Variants in UNC80 observed in about 807,000 individuals in gnomAD.
UNC80 encodes the protein unc-80 subunit of NALCN channel complex, also known as protein unc-80 homolog.
A neutral mutation model predicts 384.6 loss-of-function variants in UNC80; 164 were observed. The ratio of observed to expected loss-of-function variants is 0.43; its 90% CI spans 0.38 to 0.49. The LOEUF (loss-of-function observed/expected upper bound fraction) is 0.49. Among genes scored for constraint, UNC80 ranks in the 20% least tolerant of loss-of-function variants. The pLI is 0.00. For synonymous variants in UNC80, 1,486 were observed against 1,527.8 expected (o/e 0.97, Z 0.64); for missense variants, 3,330 against 4,143.0 (o/e 0.80, Z 5.39).
chr2:209,981,864 G>A (rs1421999045), intron 59 of UNC80, among the ~76,000 whole-genome samples: 1 of 152,142 alleles, frequency 6.6e-6, no homozygotes, highest in East Asian at 1.9e-4. Flanking sequence ...AAAAAATTAT[G>A]TGCTAGCTTT....
At chr2:209,934,090 A>T in intron 39 of UNC80, 85 bp downstream of exon 39, 1 of 1,328,668 alleles carries the variant, frequency 7.5e-7, no homozygotes, top group Non-Finnish European at 1.0e-6. Flanking sequence ...TCTTTCATTC[A>T]TGAGAAAATT....
intron 26 of UNC80, among the ~76,000 whole-genome samples, chr2:209,892,959 C>A (rs2086483473): frequency 6.6e-6 from 1 of 152,186 alleles, no homozygotes; most frequent in Non-Finnish European, 1.5e-5. Context: ...CCTTTACCAG[C>A]TGCATGGTGA....
chr2:209,938,227 G>A (rs2091377726), intron 42 of UNC80, among the ~76,000 whole-genome samples: 1 of 152,138 alleles, frequency 6.6e-6, no homozygotes, highest in Non-Finnish European at 1.5e-5. Flanking sequence ...CAAACTTTGA[G>A]CTTAAGGAAA....
At chr2:209,873,085 G>C in intron 23 of UNC80, 115 bp downstream of exon 23, 2 of 954,192 alleles carry the variant, frequency 2.1e-6, no homozygotes, top group Non-Finnish European at 3.1e-6. Flanking sequence ...TATGTACCAG[G>C]TACTGAAGGA....
intron 4 of UNC80, among the ~76,000 whole-genome samples, chr2:209,782,959 C>A (rs540576831): frequency 6.6e-6 from 1 of 151,380 alleles, no homozygotes; most frequent in African/African-American, 2.4e-5. Context: ...ATGCTAGCTA[C>A]TGTTCAATGT....
rs73078916 is a variant in UNC80 at position 209,872,565 on chromosome 2, G to A, written c.3628-193G>A. 5.3e-5 allele frequency among the ~76,000 whole-genome samples: 8 copies of A among 151,960 alleles called. No homozygotes were observed. Among genetic ancestry groups the A allele is most frequent in the Non-Finnish European group, 1.0e-4 (7 of 67,996 alleles). On this transcript the variant is annotated intron_variant, in intron 22 of 64. Coordinates refer to ENST00000673920, the MANE Select transcript of UNC80 (RefSeq NM_001371986.1). The surrounding 1 kb of genome is among the most constrained non-coding windows in gnomAD (Gnocchi z 4.1). ...CTAATCCTTCAAGATCCACATTTTT[G>A]GGGGGGATTTTGCTTTCCAGATTTC... is the stretch of plus-strand genomic sequence containing the variant.
intron 53 of UNC80, chr2:209,970,409 T>C (rs772617342): frequency 6.0e-5 from 11 of 184,060 alleles, no homozygotes; most frequent in Non-Finnish European, 1.0e-4. Flanking sequence ...TCTCATTAAA[T>C]AGGACCTGCT....
intron 36 of UNC80, among the ~76,000 whole-genome samples, chr2:209,927,232 G>A (rs1039276288): frequency 3.9e-5 from 6 of 152,186 alleles, no homozygotes; most frequent in South Asian, 2.1e-4. Flanking sequence ...AGCATTGTTC[G>A]TGACCAGAGA....
At chr2:209,786,237 C>G in intron 5 of UNC80, 48 bp downstream of exon 5, 1 of 1,586,030 alleles carries the variant, frequency 6.3e-7, no homozygotes. Context: ...GATTCCCTCA[C>G]ACACAGTAGT....
intron 28 of UNC80, among the ~76,000 whole-genome samples, chr2:209,896,642 G>T (rs2086824875): frequency 6.6e-6 from 1 of 152,130 alleles, no homozygotes; most frequent in Admixed American, 6.5e-5. Context: ...GGTTATGGCT[G>T]GCTTGCAGGT....
At chr2:209,987,482 T>C (rs537672019) in intron 61 of UNC80, among the ~76,000 whole-genome samples, 9 of 152,342 alleles carry the variant, frequency 5.9e-5, no homozygotes, top group African/African-American at 1.9e-4. Context: ...TAGAAATTCA[T>C]TGTAGATGTT....
At chr2:209,880,582 G>A (rs1232385425) in intron 24 of UNC80, among the ~76,000 whole-genome samples, 2 of 152,286 alleles carry the variant, frequency 1.3e-5, no homozygotes, top group East Asian at 1.9e-4. Context: ...GAAATCTTGC[G>A]AAATTACTTC....
chr2:209,993,470 G>T, intron 63 of UNC80, 44 bp downstream of exon 63: 7 of 1,498,768 alleles, frequency 4.7e-6, no homozygotes, highest in Non-Finnish European at 6.4e-6. Flanking sequence ...TTGACATGAT[G>T]CCATGCAACT....
At position 209,917,918 on chromosome 2, in the gene UNC80, T is replaced by G; in HGVS notation, c.5171T>G (p.Val1724Gly). The change falls in exon 32 of 65, where the codon GTC becomes GGC. Residue 1724 changes from valine to glycine, a missense_variant. Val to Gly is a moderately radical substitution (Grantham distance 109). Transcript: ENST00000673920. ...ACGCTCTGGAGGTTTCGCTATCAGG[T>G]CTGGCCCCGGATGGAGGAAGGGGCA... ...FHTLWRFRYQ[V>G]WPRMEEGAQQ... 6.4e-7 allele frequency: 1 copy of G among 1,551,724 alleles called. No individual in the cohort carries two copies. Among genetic ancestry groups the G allele is most frequent in the Non-Finnish European group, 8.7e-7 (1 of 1,146,982 alleles).
chr2:209,907,626 C>A (rs1252747390), intron 29 of UNC80, among the ~76,000 whole-genome samples: 1 of 152,156 alleles, frequency 6.6e-6, no homozygotes, highest in Non-Finnish European at 1.5e-5. Flanking sequence ...CATGATGAAG[C>A]TGCACAGGCG....
chr2:209,975,972 C>T (rs1271968019), intron 56 of UNC80, 147 bp from the exon 57 acceptor site: 7 of 787,372 alleles, frequency 8.9e-6, no homozygotes, highest in South Asian at 6.0e-5. Context: ...TACTCTTGCT[C>T]GGGAATACAT....
chr2:209,787,531 C>G (rs2077516070), intron 5 of UNC80, among the ~76,000 whole-genome samples: 1 of 152,096 alleles, frequency 6.6e-6, no homozygotes, highest in South Asian at 2.1e-4. Context: ...CGCCACATAA[C>G]AGCATTTTGG....
chr2:209,866,406 T>A (rs2083768180), intron 22 of UNC80, among the ~76,000 whole-genome samples: 1 of 151,912 alleles, frequency 6.6e-6, no homozygotes, highest in Non-Finnish European at 1.5e-5. Flanking sequence ...TGACAATGTC[T>A]GGAGGAATTT....
chr2:209,829,459 G>T (rs2080795733), intron 15 of UNC80, 80 bp downstream of exon 15: 1 of 1,461,450 alleles, frequency 6.8e-7, no homozygotes, highest in Admixed American at 2.0e-5. Flanking sequence ...CACTAAATTT[G>T]TGGAGGTAGA....
Sources: gnomAD v4.1 joint callset for allele counts (sites outside exome capture counted in the v4.1 genomes callset) on GRCh38, gnomAD v4.1.1 for gene constraint, Gnocchi (gnomAD v3.1) non-coding constraint, MANE v1.5 for transcripts, NCBI Gene and HGNC (gene_info 2026-07-23, HGNC 2026-07-21) for gene names.